Variants in GGNBP2 observed in about 807,000 individuals in gnomAD.
GGNBP2 encodes gametogenetin binding protein 2.
A neutral mutation model predicts 85.9 loss-of-function variants in GGNBP2; 10 were observed. The observed-to-expected ratio is 0.12, with a 90% CI of 0.07 to 0.20. The LOEUF (loss-of-function observed/expected upper bound fraction) is 0.20. Among genes scored for constraint, GGNBP2 ranks in the 10% least tolerant of loss-of-function variants. GGNBP2 has a pLI of 1.00. For missense variants in GGNBP2, 595 were observed against 857.8 expected, an observed-to-expected ratio of 0.69 and a Z score of 3.83; for synonymous variants, 287 against 285.7, an observed-to-expected ratio of 1.00 and a Z score of -0.05.
intron 4 of GGNBP2, among the ~76,000 whole-genome samples, chr17:36,558,517 T>TG (rs1266864671): frequency 8.9e-5 from 13 of 146,008 alleles, no homozygotes; most frequent in African/African-American, 3.2e-4. Context: ...GTGCAATGGC[T>TG]CGATCTCAGC....
intron 6 of GGNBP2, among the ~76,000 whole-genome samples, chr17:36,570,573 G>A (rs918249323): frequency 6.6e-6 from 1 of 152,060 alleles, no homozygotes; most frequent in African/African-American, 2.4e-5. Flanking sequence ...GGTGGTGGGT[G>A]CCTATAATCC....
intron 2 of GGNBP2, among the ~76,000 whole-genome samples, chr17:36,548,708 C>T (rs1567815554): frequency 6.9e-6 from 1 of 145,038 alleles, no homozygotes; most frequent in African/African-American, 2.5e-5. Context: ...CTTTGGGAGG[C>T]CGAGGCTGGC....
chr17:36,577,923 T>A, intron 6 of GGNBP2, 60 bp from the exon 7 acceptor site: 1 of 1,337,322 alleles, frequency 7.5e-7, no homozygotes, highest in Admixed American at 1.7e-5. Context: ...TACACTGTTA[T>A]ATGCCACAAG....
At chr17:36,554,400 T>G (rs1335471348) in intron 2 of GGNBP2, among the ~76,000 whole-genome samples, 4 of 133,308 alleles carry the variant, frequency 3.0e-5, no homozygotes, top group South Asian at 5.4e-4. Context: ...AGAGTTTCAC[T>G]CTTGTTGTCC....
intron 5 of GGNBP2, among the ~76,000 whole-genome samples, chr17:36,562,140 A>T (rs571044585): frequency 1.3e-5 from 2 of 152,216 alleles, no homozygotes; most frequent in East Asian, 3.9e-4. Flanking sequence ...ATGGGATATT[A>T]AAAAACTATA....
chr17:36,564,715 A>G lies in GGNBP2; in HGVS notation c.528-2948A>G, dbSNP rs536073430. Among the ~76,000 whole-genome samples, 4 of 152,292 alleles carry G rather than the reference A, an allele frequency of 2.6e-5. No individual in the cohort carries two copies. In the South Asian group the frequency reaches 8.3e-4, roughly 32 times the overall value. On this transcript the variant is annotated intron_variant, in intron 5 of 13. Transcript: ENST00000613102. ...ATGGTCACCACTATTAAATGCTACT[A>G]TGATTCTCCATTTTATGTATTTCCA...
At chr17:36,583,156 C>T (rs1237707537) in intron 9 of GGNBP2, among the ~76,000 whole-genome samples, 1 of 152,050 alleles carries the variant, frequency 6.6e-6, no homozygotes, top group Non-Finnish European at 1.5e-5. Context: ...CGGGTTCAAG[C>T]AATTCTCCTG....
Position 36,560,687 on chromosome 17 carries a change from A to G in GGNBP2, c.429-86A>G, listed in dbSNP as rs562342614. On this transcript the variant is annotated intron_variant, in intron 4 of 13. Coordinates refer to ENST00000613102, the MANE Select transcript of GGNBP2 (RefSeq NM_024835.5). ...TGGTTTTTTTGTGTTTTGTTTTGAG[A>G]CTTCTCTCTAAAAGACAGTAAATAG... 13 of 758,540 alleles carry G rather than the reference A, an allele frequency of 1.7e-5. 1 individual carries two copies. In the East Asian group the frequency reaches 3.9e-4, roughly 22 times the overall value. 47.0% of individuals were successfully genotyped at this position (758,540 alleles called of 1,614,324 possible).
chr17:36,577,248 T>C (rs1161160247), intron 6 of GGNBP2: 2 of 152,342 alleles, frequency 1.3e-5, no homozygotes, highest in African/African-American at 2.4e-5. Context: ...TTGATTGATA[T>C]TTGGTTTCTA....
intron 13 of GGNBP2, among the ~76,000 whole-genome samples, chr17:36,588,999 A>G (rs541058006): frequency 6.6e-5 from 10 of 152,294 alleles, no homozygotes; most frequent in Admixed American, 3.9e-4. Context: ...TATAGATTCA[A>G]GGTTTCAACT....
intron 9 of GGNBP2, chr17:36,582,568 T>G (rs1418078243): frequency 6.6e-6 from 1 of 152,210 alleles, no homozygotes; most frequent in Non-Finnish European, 1.5e-5. Context: ...GTATGGCTTT[T>G]TGCTAGATTT....
intron 9 of GGNBP2, among the ~76,000 whole-genome samples, chr17:36,583,819 A>G (rs1469200146): frequency 2.6e-5 from 4 of 152,206 alleles, no homozygotes; most frequent in Non-Finnish European, 4.4e-5. Context: ...CTTCAATACT[A>G]CACTTTGACC....
rs528517679 is a variant in GGNBP2 at position 36,585,737 on chromosome 17, G to A, written c.1367-103G>A. 1.6e-5 allele frequency: 15 copies of A among 955,232 alleles called. No individual in the cohort carries two copies. The East Asian group carries it at 3.6e-4, about 23-fold the overall frequency. 59.2% of individuals were successfully genotyped at this position (955,232 alleles called of 1,614,324 possible). On this transcript the variant is annotated intron_variant, in intron 10 of 13. Coordinates refer to ENST00000613102, the MANE Select transcript of GGNBP2 (RefSeq NM_024835.5). ...ATTGGAAATGTTCTACTTTTAATAA[G>A]CCATTAATTATGAGATTTTTCTGTG...
chr17:36,545,711 C>T lies in GGNBP2; in HGVS notation c.-14C>T, dbSNP rs2074246011. The T allele has an allele frequency of 6.4e-7, 1 of 1,559,688 alleles. No homozygotes were observed. Among genetic ancestry groups the T allele is most frequent in the Non-Finnish European group, 8.7e-7 (1 of 1,151,470 alleles). ...GAGGAGGTGGTGACGGTGGCAACGG[C>T]AGCGTCGGGGACGATGGCGCGACTC... is the stretch of plus-strand genomic sequence containing the variant. On this transcript the variant is annotated 5_prime_UTR_variant, in exon 2 of 14. Transcript: ENST00000613102.
At chr17:36,572,807 A>G (rs1267652332) in intron 6 of GGNBP2, among the ~76,000 whole-genome samples, 1 of 152,138 alleles carries the variant, frequency 6.6e-6, no homozygotes, top group Admixed American at 6.5e-5. Flanking sequence ...TTTCATCTCA[A>G]CTGAAACTAT....
At chr17:36,588,821 G>A (rs2074729829) in intron 13 of GGNBP2, among the ~76,000 whole-genome samples, 1 of 152,146 alleles carries the variant, frequency 6.6e-6, no homozygotes, top group Admixed American at 6.5e-5. Context: ...GTAGAAAATG[G>A]TTATCTTTTA....
At position 36,579,436 on chromosome 17, in the gene GGNBP2, G is replaced by C. The variant is rs2074623557; in HGVS notation, c.1020+17G>C. 2 of 1,610,854 alleles carry C rather than the reference G, an allele frequency of 1.2e-6. No homozygotes were observed. The highest frequency in any genetic ancestry group is 1.3e-5 in the African/African-American group (1 of 74,940). ...AGTTTTGAGGTAAGAACAGTGGGCT[G>C]TTCCAGTATCTCAGATTGCTTAGTC... On this transcript the variant is annotated intron_variant, in intron 8 of 13. Coordinates refer to ENST00000613102, the MANE Select transcript of GGNBP2 (RefSeq NM_024835.5).
chr17:36,545,559 C>T (rs992353623), intron 1 of GGNBP2, 60 bp from the exon 2 acceptor site: 5 of 590,242 alleles, frequency 8.5e-6, no homozygotes, highest in Non-Finnish European at 1.5e-5. Flanking sequence ...TCCCTGCCCC[C>T]CGTGGCGAAT....
At chr17:36,569,355 T>C (rs1555606388) in intron 6 of GGNBP2, among the ~76,000 whole-genome samples, 1 of 152,142 alleles carries the variant, frequency 6.6e-6, no homozygotes, top group Non-Finnish European at 1.5e-5. Flanking sequence ...GAGGTTGCAG[T>C]GAGCCAGGAT....
Sources: gnomAD v4.1 joint callset for allele counts (sites outside exome capture counted in the v4.1 genomes callset) on GRCh38, gnomAD v4.1.1 for gene constraint, MANE v1.5 for transcripts, NCBI Gene and HGNC (gene_info 2026-07-23, HGNC 2026-07-21) for gene names.